Variants in NEK10 observed in about 807,000 individuals in gnomAD.
NEK10 encodes serine/threonine-protein kinase Nek10.
NEK10 carries 122 observed loss-of-function variants against 159.8 expected under a neutral mutation model. The ratio of observed to expected loss-of-function variants is 0.76; its 90% CI spans 0.66 to 0.89. The LOEUF (loss-of-function observed/expected upper bound fraction) is 0.89, where lower values mean the gene tolerates loss of function less well. NEK10 is among the 40% of genes least tolerant of loss of function. The pLI is 0.00. For synonymous variants in NEK10, 466 were observed against 457.1 expected, an observed-to-expected ratio of 1.02 and a Z score of -0.25; for missense variants, 1,342 against 1,323.1, an observed-to-expected ratio of 1.01 and a Z score of -0.22.
At chr3:27,217,376 C>T (rs1409739422) in intron 23 of NEK10, among the ~76,000 whole-genome samples, 1 of 152,184 alleles carries the variant, frequency 6.6e-6, no homozygotes, top group African/African-American at 2.4e-5. Flanking sequence ...CCTTAGGGAA[C>T]TTTGACTCAT....
intron 9 of NEK10, chr3:27,310,167 T>C (rs138482567): frequency 2.0e-3 from 301 of 152,322 alleles, no homozygotes; most frequent in African/African-American, 7.0e-3. Flanking sequence ...TTCCTCTTTT[T>C]CTTCTCTCTT....
chr3:27,120,605 C>T (rs1387069224), intron 32 of NEK10, among the ~76,000 whole-genome samples: 1 of 152,090 alleles, frequency 6.6e-6, no homozygotes, highest in Non-Finnish European at 1.5e-5. Context: ...GCTGGGATTA[C>T]AGGCATAAGC....
intron 23 of NEK10, among the ~76,000 whole-genome samples, chr3:27,254,563 G>C (rs1276347896): frequency 6.6e-6 from 1 of 152,146 alleles, no homozygotes; most frequent in African/African-American, 2.4e-5. Context: ...AAACTAGCAA[G>C]AAAGACGGTT....
At chr3:27,314,625 G>C (rs1333210255) in intron 6 of NEK10, among the ~76,000 whole-genome samples, 1 of 152,104 alleles carries the variant, frequency 6.6e-6, no homozygotes, top group Non-Finnish European at 1.5e-5. Context: ...TAAAATGTTC[G>C]AGTTGAGAAG....
At chr3:27,300,892 T>A (rs1280786303) in intron 13 of NEK10, among the ~76,000 whole-genome samples, 2 of 152,196 alleles carry the variant, frequency 1.3e-5, no homozygotes, top group African/African-American at 4.8e-5. Flanking sequence ...TCACACCATC[T>A]ATGAAGAAAT....
intron 7 of NEK10, among the ~76,000 whole-genome samples, chr3:27,312,696 T>C (rs1021082202): frequency 2.0e-5 from 3 of 152,158 alleles, no homozygotes; most frequent in African/African-American, 7.2e-5. Flanking sequence ...ATGATTATAA[T>C]AAGAAACAGG....
At chr3:27,214,134 A>G (rs1408024783) in intron 23 of NEK10, among the ~76,000 whole-genome samples, 1 of 152,240 alleles carries the variant, frequency 6.6e-6, no homozygotes, top group Non-Finnish European at 1.5e-5. Context: ...CAGAAAATCT[A>G]TGAATCCCAC....
intron 1 of NEK10, among the ~76,000 whole-genome samples, chr3:27,360,548 T>A (rs1034384156): frequency 2.0e-5 from 3 of 152,200 alleles, no homozygotes; most frequent in African/African-American, 7.2e-5. Context: ...CAAAGCGCAC[T>A]TCACCTTCAG....
At position 27,304,769 on chromosome 3, in the gene NEK10, G is replaced by T. The variant is rs1408535070; in HGVS notation, c.1006C>A (p.Gln336Lys). The T allele has an allele frequency of 6.2e-7, 1 of 1,613,048 alleles. No homozygotes were observed. Among genetic ancestry groups the T allele is most frequent in the Non-Finnish European group, 8.5e-7 (1 of 1,179,154 alleles). Residue 336 changes from glutamine to lysine, a missense_variant, in exon 12 of 36, where the codon CAG (glutamine) becomes AAG (lysine). By Grantham distance (53) the Gln-to-Lys change is moderately conservative. Coordinates refer to ENST00000691995, the MANE Select transcript of NEK10 (RefSeq NM_001394966.1). Reference sequence around the variant, plus strand: ...CACCCTTGTAAAATATGAAGAAGCTGTTTGATGCCTCCCCAAATGCGAATT... The same window carrying T: ...CACCCTTGTAAAATATGAAGAAGCTTTTTGATGCCTCCCCAAATGCGAATT... Reference protein sequence around the residue: ...VEIRIWGGIKQLLHILQGDRN... With the variant: ...VEIRIWGGIKKLLHILQGDRN...
rs115468445 is a variant in NEK10, at chr3:27,236,236, A to G, written c.2090+20060T>C. Among the ~76,000 whole-genome samples the G allele has an allele frequency of 8.9e-3, 1,353 of 152,256 alleles. 25 individuals are homozygous for G. Among genetic ancestry groups the G allele is most frequent in the African/African-American group, 0.03 (1,256 of 41,546 alleles). ...ATACCTGGGTGATGAAATAATCTAT[A>G]TAACTAACAATGTAACAAACCTGCA... is the stretch of plus-strand genomic sequence containing the variant. On this transcript the variant is annotated intron_variant, in intron 23 of 35. Transcript: ENST00000691995.
At chr3:27,296,438 G>A (rs4973869) in intron 14 of NEK10, among the ~76,000 whole-genome samples, 35,993 of 151,984 alleles carry the variant, frequency 0.24, 4,587 homozygotes, top group Middle Eastern at 0.37. Context: ...CAGATGCCCT[G>A]TTCTATCAAC....
intron 35 of NEK10, among the ~76,000 whole-genome samples, chr3:27,111,603 G>A (rs1939550536): frequency 6.6e-6 from 1 of 152,176 alleles, no homozygotes; most frequent in East Asian, 1.9e-4. Flanking sequence ...GAATACCTGT[G>A]TAGGTTAAAA....
At position 27,301,805 on chromosome 3, in the gene NEK10, G is replaced by A; in HGVS notation, c.1059C>T (p.Ser353=). 1 of 1,553,624 alleles carries A rather than the reference G, an allele frequency of 6.4e-7. No individual in the cohort carries two copies. Among genetic ancestry groups the A allele is most frequent in the Non-Finnish European group, 8.7e-7 (1 of 1,147,718 alleles). ...CATTTGCACTGGACAGGCTTCCAAT[G>A]GAGGAGTGATCAGAAACAAAATTTC... is the stretch of plus-strand genomic sequence containing the variant. ...GDRNFVSDHS[S]IGSLSSANAA... Residue 353 remains serine, a synonymous_variant, in exon 13 of 36, where the codon TCC becomes TCT. Transcript: ENST00000691995.
chr3:27,284,938 C>G lies in NEK10; in HGVS notation c.1813G>C (p.Glu605Gln). The change falls in exon 21 of 36, where the codon GAG becomes CAG. Residue 605 changes from glutamate to glutamine, a missense_variant. Physicochemically the swap from Glu to Gln is conservative, Grantham distance 29. Transcript: ENST00000691995. ...LENDRLYIVM[E>Q]LIEGAPLGEH... ...CCAAGCGGGGCTCCTTCTATCAGCT[C>G]CATAACTATGTACAACCTATCATCT... 7 of 1,607,000 alleles carry G rather than the reference C, an allele frequency of 4.4e-6. No individual in the cohort carries two copies. The highest frequency in any genetic ancestry group is 5.1e-6 in the Non-Finnish European group (6 of 1,175,026).
intron 26 of NEK10, among the ~76,000 whole-genome samples, chr3:27,180,173 A>T (rs962874279): frequency 1.3e-5 from 2 of 152,062 alleles, no homozygotes; most frequent in Non-Finnish European, 2.9e-5. Flanking sequence ...AAGTGGACCG[A>T]TCATTTGAGG....
chr3:27,126,330 T>C (rs1016231913), intron 32 of NEK10, among the ~76,000 whole-genome samples: 1 of 152,166 alleles, frequency 6.6e-6, no homozygotes, highest in Non-Finnish European at 1.5e-5. Context: ...GGGTTTTGTC[T>C]GGGCTTTCTT....
chr3:27,157,980 T>A (rs1364392607), intron 30 of NEK10, among the ~76,000 whole-genome samples: 1 of 152,170 alleles, frequency 6.6e-6, no homozygotes, highest in Non-Finnish European at 1.5e-5. Context: ...GTATATATAT[T>A]TTTAGACATA....
chr3:27,166,345 T>G (rs1336476094), intron 29 of NEK10, among the ~76,000 whole-genome samples: 1 of 152,214 alleles, frequency 6.6e-6, no homozygotes. Flanking sequence ...ATAGAACTAT[T>G]ACAGAAAAGA....
intron 13 of NEK10, 41 bp downstream of exon 13, chr3:27,301,655 C>T (rs949488938): frequency 7.2e-7 from 1 of 1,398,200 alleles, no homozygotes; most frequent in African/African-American, 1.4e-5. Context: ...AATAATACAA[C>T]ACAATAAATT....
Sources: gnomAD v4.1 joint callset for allele counts (sites outside exome capture counted in the v4.1 genomes callset) on GRCh38, gnomAD v4.1.1 for gene constraint, MANE v1.5 for transcripts, NCBI Gene and HGNC (gene_info 2026-07-23, HGNC 2026-07-21) for gene names.